The following PDE4D variants were observed in gnomAD, a reference collection of about 807,000 sequenced individuals.
PDE4D encodes phosphodiesterase 4D, also known as 3',5'-cyclic-AMP phosphodiesterase 4D.
PDE4D carries 24 observed loss-of-function variants against 87.4 expected under a neutral mutation model. The observed-to-expected ratio is 0.27, with a 90% CI of 0.20 to 0.39. The LOEUF is 0.39. PDE4D is among the 10% of genes least tolerant of loss of function. The probability of loss-of-function intolerance (pLI) is 1.00; values close to 1 mark genes in which losing one functional copy is unlikely to be tolerated. For missense variants in PDE4D, 714 were observed against 1,041.0 expected (o/e 0.69, Z 4.32); for synonymous variants, 384 against 383.2 (o/e 1.00, Z -0.02).
At chr5:59,159,808 AG>A (rs1439099458) in intron 5 of PDE4D, among the ~76,000 whole-genome samples, 2 of 152,200 alleles carry the variant, frequency 1.3e-5, no homozygotes, top group Non-Finnish European at 2.9e-5. Context: ...AGGTTTGCCA[AG>A]GAAAAAGCAG....
intron 1 of PDE4D, among the ~76,000 whole-genome samples, chr5:59,668,212 T>C: frequency 6.6e-6 from 1 of 152,222 alleles, no homozygotes; most frequent in East Asian, 1.9e-4. Context: ...CTGTCATATC[T>C]ATCATAGAAT....
At chr5:59,153,458 C>T (rs1468273790) in intron 5 of PDE4D, among the ~76,000 whole-genome samples, 1 of 152,290 alleles carries the variant, frequency 6.6e-6, no homozygotes, top group African/African-American at 2.4e-5. Flanking sequence ...CATCCATCAT[C>T]CACTTCTTTC....
chr5:60,207,310 C>T (rs1301318480), intron 1 of PDE4D, among the ~76,000 whole-genome samples: 1 of 152,168 alleles, frequency 6.6e-6, no homozygotes, highest in Non-Finnish European at 1.5e-5. Context: ...CTATATGAGG[C>T]TTTGAGTGCC....
intron 1 of PDE4D, among the ~76,000 whole-genome samples, chr5:59,344,306 G>A (rs190145450): frequency 2.0e-4 from 30 of 152,260 alleles, no homozygotes; most frequent in Admixed American, 1.0e-3. Flanking sequence ...AAGGGTGAGC[G>A]AAAAATGCTT....
intron 1 of PDE4D, among the ~76,000 whole-genome samples, chr5:59,820,141 C>T (rs1769463419): frequency 6.6e-6 from 1 of 152,176 alleles, no homozygotes; most frequent in South Asian, 2.1e-4. Flanking sequence ...GATTTAAATA[C>T]CTTTTCCAGG....
chr5:60,357,475 A>G (rs767923162), intron 1 of PDE4D, among the ~76,000 whole-genome samples: 45 of 152,168 alleles, frequency 3.0e-4, no homozygotes, highest in Non-Finnish European at 5.4e-4. Flanking sequence ...TGTATATTCA[A>G]CTTTCTATTA....
At chr5:60,389,391 CAT>C (rs113688285) in intron 1 of PDE4D, among the ~76,000 whole-genome samples, 6,252 of 152,212 alleles carry the variant, frequency 0.041, 392 homozygotes, top group African/African-American at 0.14. Context: ...AAATTTTAAT[CAT>C]ATGATTTATA....
intron 2 of PDE4D, among the ~76,000 whole-genome samples, chr5:60,075,548 G>A (rs1773193661): frequency 6.6e-6 from 1 of 152,094 alleles, no homozygotes; most frequent in Admixed American, 6.5e-5. Flanking sequence ...TTTAAATGCT[G>A]GCCTCACTAG....
intron 1 of PDE4D, among the ~76,000 whole-genome samples, chr5:60,479,120 G>A (rs1358786725): frequency 6.6e-6 from 1 of 152,048 alleles, no homozygotes; most frequent in Non-Finnish European, 1.5e-5. Context: ...ATCCTTTTCT[G>A]TACACTATGC....
rs575726430 is a variant in PDE4D at position 59,914,467 on chromosome 5, C to A, written c.272+74021G>T. ...ACAAAGTCTGTGGGGCAGGGCAAGA[C>A]AACTAGGAGGCCTGTGTGGCTGGAG... is the stretch of plus-strand genomic sequence containing the variant. On this transcript the variant is annotated intron_variant, in intron 3 of 16. Transcript: ENST00000502484. 2.0e-3 allele frequency among the ~76,000 whole-genome samples: 305 copies of A among 151,836 alleles called. 1 individual carries two copies. The highest frequency in any genetic ancestry group is 7.1e-3 in the African/African-American group (295 of 41,374).
At chr5:59,706,632 G>A (rs777341951) in intron 1 of PDE4D, among the ~76,000 whole-genome samples, 1 of 152,110 alleles carries the variant, frequency 6.6e-6, no homozygotes, top group Non-Finnish European at 1.5e-5. Context: ...GCTTAAGGAT[G>A]ATGCTTCATG....
chr5:60,443,735 C>T (rs1011553706), intron 1 of PDE4D, among the ~76,000 whole-genome samples: 9 of 152,178 alleles, frequency 5.9e-5, no homozygotes, highest in African/African-American at 1.7e-4. Context: ...AACAGTGATG[C>T]TACTTTCTCC....
rs146260085 is a variant in PDE4D at position 60,272,382 on chromosome 5, T to C, written c.-89-86695A>G. Among the ~76,000 whole-genome samples the C allele has an allele frequency of 2.0e-5, 3 of 152,382 alleles. No homozygotes were observed. In the East Asian group the frequency reaches 5.8e-4, roughly 29 times the overall value. On this transcript the variant is annotated intron_variant, in intron 1 of 16. Transcript: ENST00000502484. ...GTAAACTTCAGTTGATGTTACAAAATTTCCCTAGGCAAATATGCATGTAGG... is the reference window on the plus strand; with the variant it reads ...GTAAACTTCAGTTGATGTTACAAAACTTCCCTAGGCAAATATGCATGTAGG...
intron 1 of PDE4D, among the ~76,000 whole-genome samples, chr5:59,793,618 G>C (rs1431215080): frequency 6.6e-6 from 1 of 152,106 alleles, no homozygotes; most frequent in African/African-American, 2.4e-5. Context: ...CATTCATAAT[G>C]GTTCAACCAA....
At chr5:60,046,669 T>G (rs1202488080) in intron 2 of PDE4D, among the ~76,000 whole-genome samples, 1 of 152,336 alleles carries the variant, frequency 6.6e-6, no homozygotes, top group African/African-American at 2.4e-5. Context: ...TGGATTACAT[T>G]TATTGATTTG....
intron 1 of PDE4D, among the ~76,000 whole-genome samples, chr5:60,422,710 T>G (rs1583704721): frequency 6.6e-6 from 1 of 152,186 alleles, no homozygotes; most frequent in Non-Finnish European, 1.5e-5. Context: ...ACCTTAAATG[T>G]AAATGGGCTA....
At chr5:59,502,663 AGTGTGTGTGT>A (rs56100725) in intron 1 of PDE4D, among the ~76,000 whole-genome samples, 2,314 of 135,220 alleles carry the variant, frequency 0.017, 27 homozygotes, top group East Asian at 0.04. Context: ...TCCTTAAGGT[AGTGTGTGTGT>A]GTGTGTGTGT....
In PDE4D at chr5:59,996,321, C is replaced by T. The variant is rs921515625; in HGVS notation, c.43-7604G>A. Among the ~76,000 whole-genome samples the T allele has an allele frequency of 5.9e-5, 9 of 151,908 alleles. No homozygotes were observed. In the South Asian group the frequency reaches 1.0e-3, roughly 18 times the overall value. On this transcript the variant is annotated intron_variant, in intron 2 of 16. Coordinates refer to the PDE4D transcript ENST00000502484. ...TTCCAATGCCACATTCCTTTTTTTT[C>T]CTGTCCAGTTAGTTTGATGCAACAT...
chr5:60,042,797 C>T (rs924326264), intron 2 of PDE4D, among the ~76,000 whole-genome samples: 4 of 152,062 alleles, frequency 2.6e-5, no homozygotes, highest in Non-Finnish European at 4.4e-5. Flanking sequence ...CCAAGGGTCA[C>T]CAACATCAAA....
Sources: gnomAD v4.1 joint callset for allele counts (sites outside exome capture counted in the v4.1 genomes callset) on GRCh38, gnomAD v4.1.1 for gene constraint, MANE v1.5 for transcripts, NCBI Gene and HGNC (gene_info 2026-07-23, HGNC 2026-07-21) for gene names.